CCDC91: variants seen among roughly 807,000 people sequenced by gnomAD.
CCDC91 encodes coiled-coil domain-containing protein 91.
In CCDC91, 48 loss-of-function variants were observed where a neutral mutation model predicts 63.2. The ratio of observed to expected loss-of-function variants is 0.76; its 90% CI spans 0.60 to 0.97. The LOEUF (loss-of-function observed/expected upper bound fraction) is 0.97, where lower values mean the gene tolerates loss of function less well. Among genes scored for constraint, CCDC91 ranks in the 50% least tolerant of loss-of-function variants. CCDC91 has a pLI of 0.00. For missense variants in CCDC91, 500 were observed against 494.6 expected, an observed-to-expected ratio of 1.01 and a Z score of -0.10; for synonymous variants, 167 against 165.8, an observed-to-expected ratio of 1.01 and a Z score of -0.06.
intron 3 of CCDC91, among the ~76,000 whole-genome samples, chr12:28,300,836 A>C (rs796708308): frequency 5.3e-5 from 8 of 151,628 alleles, no homozygotes; most frequent in African/African-American, 1.9e-4. Flanking sequence ...TTTATTCTTA[A>C]GTACTGTATT....
At chr12:28,524,576 C>G (rs544037489) in intron 12 of CCDC91, among the ~76,000 whole-genome samples, 1 of 152,024 alleles carries the variant, frequency 6.6e-6, no homozygotes, top group South Asian at 2.1e-4. Flanking sequence ...TTGGTTGTAT[C>G]CTTTCCTGAT....
intron 12 of CCDC91, among the ~76,000 whole-genome samples, chr12:28,493,413 G>A (rs1952115239): frequency 3.3e-5 from 5 of 151,536 alleles, no homozygotes; most frequent in African/African-American, 1.2e-4. Flanking sequence ...CATCTAATTT[G>A]TGCCTTTTCA....
chr12:28,326,023 T>C (rs1190120140), intron 6 of CCDC91, among the ~76,000 whole-genome samples: 1 of 152,152 alleles, frequency 6.6e-6, no homozygotes, highest in East Asian at 1.9e-4. Flanking sequence ...TCAGCAAAAG[T>C]AGCACTCTTA....
rs567845316 is a variant in CCDC91 at position 28,372,131 on chromosome 12, G to A, written c.654+9616G>A. Among the ~76,000 whole-genome samples, 23 of 152,064 alleles carry A rather than the reference G, an allele frequency of 1.5e-4. 1 individual carries two copies. In the South Asian group the frequency reaches 3.5e-3, roughly 23 times the overall value. On this transcript the variant is annotated intron_variant, in intron 7 of 12. Coordinates refer to ENST00000536442, the MANE Select transcript of CCDC91 (RefSeq NM_018318.5). Reference sequence around the variant, plus strand: ...AATTTATGTTTTTGTATGCTTTATCGAAGATCACTTGGCTGTAAGCATTTG... The same window carrying A: ...AATTTATGTTTTTGTATGCTTTATCAAAGATCACTTGGCTGTAAGCATTTG...
intron 3 of CCDC91, among the ~76,000 whole-genome samples, chr12:28,290,870 A>C (rs1949205812): frequency 6.6e-6 from 1 of 152,132 alleles, no homozygotes; most frequent in Non-Finnish European, 1.5e-5. Flanking sequence ...TTCTGGTTAA[A>C]ATGTTAAGTT....
rs115884025 is a variant in CCDC91, at chr12:28,398,368, A to C, written c.762+6957A>C. 8.1e-3 allele frequency among the ~76,000 whole-genome samples: 1,230 copies of C among 152,108 alleles called. 15 individuals are homozygous for C. Among genetic ancestry groups the C allele is most frequent in the African/African-American group, 0.029 (1,186 of 41,498 alleles). On this transcript the variant is annotated intron_variant, in intron 8 of 12. Coordinates refer to ENST00000536442, the MANE Select transcript of CCDC91 (RefSeq NM_018318.5). ...ATAGTCACATGTATTAATAATTTAT[A>C]CCCTTTGATTGCTAAGTAGTATTCT... is the stretch of plus-strand genomic sequence containing the variant.
intron 1 of CCDC91, among the ~76,000 whole-genome samples, chr12:28,209,484 G>A (rs531936089): frequency 1.1e-4 from 16 of 151,558 alleles, no homozygotes; most frequent in African/African-American, 3.9e-4. Flanking sequence ...TCACTCTTTC[G>A]CCCGTGGTGT....
chr12:28,359,975 T>C (rs1943772189), intron 6 of CCDC91, among the ~76,000 whole-genome samples: 1 of 152,206 alleles, frequency 6.6e-6, no homozygotes, highest in African/African-American at 2.4e-5. Context: ...GTTTATAGTG[T>C]AGTATATTAC....
intron 8 of CCDC91, among the ~76,000 whole-genome samples, chr12:28,425,475 C>G (rs1937541943): frequency 6.6e-6 from 1 of 152,086 alleles, no homozygotes; most frequent in East Asian, 1.9e-4. Flanking sequence ...AGTGAGTTGA[C>G]CCCATTTTTC....
At chr12:28,267,836 T>TATATTATTA (rs1565700087) in intron 3 of CCDC91, among the ~76,000 whole-genome samples, 2 of 26,906 alleles carry the variant, frequency 7.4e-5, no homozygotes, top group East Asian at 1.2e-3. Context: ...AATATATAAT[T>TATATTATTA]ATATATAATT....
At chr12:28,490,311 A>G (rs1951931776) in intron 12 of CCDC91, among the ~76,000 whole-genome samples, 1 of 151,836 alleles carries the variant, frequency 6.6e-6, no homozygotes, top group Non-Finnish European at 1.5e-5. Flanking sequence ...AAATGCTTTT[A>G]TGTAACCAAC....
At chr12:28,514,078 G>A (rs537081432) in intron 12 of CCDC91, among the ~76,000 whole-genome samples, 15 of 151,956 alleles carry the variant, frequency 9.9e-5, no homozygotes, top group Admixed American at 9.2e-4. Flanking sequence ...ACTGCCATCA[G>A]CAGTGTATAA....
intron 11 of CCDC91, among the ~76,000 whole-genome samples, chr12:28,480,667 A>G (rs1207325593): frequency 1.3e-5 from 2 of 152,070 alleles, no homozygotes; most frequent in Non-Finnish European, 2.9e-5. Flanking sequence ...AGAGTAATAC[A>G]TAATTAGATA....
intron 3 of CCDC91, among the ~76,000 whole-genome samples, chr12:28,303,281 G>A (rs1938281009): frequency 6.6e-6 from 1 of 151,986 alleles, no homozygotes; most frequent in South Asian, 2.1e-4. Flanking sequence ...GAAGAGAAAG[G>A]GTCATAGTAT....
intron 3 of CCDC91, among the ~76,000 whole-genome samples, chr12:28,279,257 A>G (rs1431369538): frequency 6.6e-6 from 1 of 151,576 alleles, no homozygotes; most frequent in Non-Finnish European, 1.5e-5. Context: ...TATCTTTTCT[A>G]GAATGTGAGC....
intron 1 of CCDC91, among the ~76,000 whole-genome samples, chr12:28,254,362 T>C (rs568291045): frequency 1.3e-5 from 2 of 152,338 alleles, no homozygotes; most frequent in South Asian, 4.1e-4. Context: ...CAGATATATT[T>C]GCTGTTGCTA....
intron 1 of CCDC91, among the ~76,000 whole-genome samples, chr12:28,221,605 C>T (rs1381139420): frequency 2.0e-5 from 3 of 152,156 alleles, no homozygotes; most frequent in African/African-American, 7.2e-5. Flanking sequence ...TCCAGAGCAG[C>T]CTTTTGTTTA....
chr12:28,343,342 A>G (rs1206554201), intron 6 of CCDC91, among the ~76,000 whole-genome samples: 1 of 152,056 alleles, frequency 6.6e-6, no homozygotes, highest in African/African-American at 2.4e-5. Context: ...GCATAGCCAT[A>G]TATCATATGT....
At chr12:28,206,472 A>C (rs1181607019) in intron 1 of CCDC91, among the ~76,000 whole-genome samples, 1 of 152,176 alleles carries the variant, frequency 6.6e-6, no homozygotes, top group Admixed American at 6.5e-5. Context: ...AATACAGTGC[A>C]CTAGGGAGAC....
Sources: gnomAD v4.1 joint callset for allele counts (sites outside exome capture counted in the v4.1 genomes callset) on GRCh38, gnomAD v4.1.1 for gene constraint, MANE v1.5 for transcripts, NCBI Gene and HGNC (gene_info 2026-07-23, HGNC 2026-07-21) for gene names.